RSU1: variants seen among roughly 807,000 people sequenced by gnomAD.
RSU1 encodes the protein rsu-1.
A neutral mutation model predicts 31.1 loss-of-function variants in RSU1; 26 were observed. That is an observed-to-expected ratio of 0.84 (90% CI 0.61 to 1.16). The LOEUF is 1.16. Among genes scored for constraint, RSU1 ranks in the 50% most tolerant of loss-of-function variants. RSU1 has a pLI of 0.00. For synonymous variants in RSU1, 164 were observed against 136.3 expected (o/e 1.20, Z -1.41); for missense variants, 320 against 339.1 (o/e 0.94, Z 0.44).
At chr10:16,722,261 T>C (rs1397134822) in intron 7 of RSU1, among the ~76,000 whole-genome samples, 2 of 152,202 alleles carry the variant, frequency 1.3e-5, no homozygotes, top group African/African-American at 2.4e-5. Context: ...CAGTACTATC[T>C]GCAGGTTCAG....
chr10:16,701,138 T>C (rs556859064), intron 7 of RSU1, among the ~76,000 whole-genome samples: 1 of 152,316 alleles, frequency 6.6e-6, no homozygotes, highest in African/African-American at 2.4e-5. Context: ...GAGAATTCCA[T>C]GTTAACAGTA....
At chr10:16,777,230 G>T (rs539224672) in intron 3 of RSU1, among the ~76,000 whole-genome samples, 1 of 151,568 alleles carries the variant, frequency 6.6e-6, no homozygotes, top group African/African-American at 2.4e-5. Flanking sequence ...TTAAAATCTG[G>T]TTACATAAAT....
intron 8 of RSU1, among the ~76,000 whole-genome samples, chr10:16,684,633 A>G (rs1835405322): frequency 6.6e-6 from 1 of 152,116 alleles, no homozygotes; most frequent in Non-Finnish European, 1.5e-5. Context: ...CTGCCCTCAG[A>G]AAAAACCAAT....
intron 7 of RSU1, among the ~76,000 whole-genome samples, chr10:16,710,871 G>A (rs1002423131): frequency 1.3e-5 from 2 of 152,040 alleles, no homozygotes; most frequent in African/African-American, 4.8e-5. Context: ...GTGTGTCCAT[G>A]TGTTCTCATT....
intron 2 of RSU1, among the ~76,000 whole-genome samples, chr10:16,796,806 A>G (rs1245784376): frequency 6.6e-6 from 1 of 152,158 alleles, no homozygotes; most frequent in Non-Finnish European, 1.5e-5. Context: ...GCAGCAAGAA[A>G]AAATTCAAGG....
rs1035426658 is a variant in RSU1 at position 16,622,862 on chromosome 10, T to C, written c.732-29366A>G. Among the ~76,000 whole-genome samples, 16 of 152,364 alleles carry C rather than the reference T, an allele frequency of 1.1e-4. 1 individual carries two copies. In the East Asian group the frequency reaches 3.1e-3, roughly 29 times the overall value. On this transcript the variant is annotated intron_variant, in intron 8 of 8. Coordinates refer to ENST00000345264, the MANE Select transcript of RSU1 (RefSeq NM_012425.4). ...GGCCCCTGAACAGGACCCACAGCGC[T>C]CTGGCAAGCTAATTTAAAAGAACTG...
intron 7 of RSU1, among the ~76,000 whole-genome samples, chr10:16,726,227 T>G (rs1382190124): frequency 1.3e-5 from 2 of 152,054 alleles, no homozygotes; most frequent in Non-Finnish European, 2.9e-5. Flanking sequence ...TATAGTTACC[T>G]GCTTCTTGAC....
chr10:16,708,303 G>A (rs1374214121), intron 7 of RSU1, among the ~76,000 whole-genome samples: 2 of 152,164 alleles, frequency 1.3e-5, no homozygotes, highest in African/African-American at 4.8e-5. Flanking sequence ...ATAAGGAAGA[G>A]TAAATATATT....
chr10:16,722,901 TAC>T (rs1226560091), intron 7 of RSU1, among the ~76,000 whole-genome samples: 15 of 146,134 alleles, frequency 1.0e-4, no homozygotes, highest in African/African-American at 2.3e-4. Context: ...TATGTATATA[TAC>T]ACACATATAC....
At chr10:16,710,965 CT>C (rs1397350620) in intron 7 of RSU1, among the ~76,000 whole-genome samples, 11 of 152,184 alleles carry the variant, frequency 7.2e-5, no homozygotes, top group African/African-American at 2.7e-4. Flanking sequence ...TGGTTTCCAG[CT>C]TCATCCATGT....
intron 7 of RSU1, among the ~76,000 whole-genome samples, chr10:16,709,712 A>C (rs1028480965): frequency 3.9e-5 from 6 of 152,108 alleles, no homozygotes; most frequent in Admixed American, 3.3e-4. Context: ...ATGGTATCTC[A>C]TTGTGGTTTT....
chr10:16,783,782 C>T (rs1317505929), intron 2 of RSU1, among the ~76,000 whole-genome samples: 1 of 152,100 alleles, frequency 6.6e-6, no homozygotes, highest in Non-Finnish European at 1.5e-5. Flanking sequence ...TGGCCTGATG[C>T]CCCATAAAGT....
intron 7 of RSU1, among the ~76,000 whole-genome samples, chr10:16,712,373 TC>T (rs955038422): frequency 5.3e-5 from 8 of 152,172 alleles, no homozygotes; most frequent in African/African-American, 1.7e-4. Context: ...ATTGTTGTTT[TC>T]TGCTTGTTTT....
chr10:16,802,149 T>C (rs1222347392), intron 2 of RSU1, among the ~76,000 whole-genome samples: 1 of 150,420 alleles, frequency 6.6e-6, no homozygotes, highest in Non-Finnish European at 1.5e-5. Flanking sequence ...AGCTGGTTTT[T>C]GGAAAAGATC....
At chr10:16,758,373 A>G (rs1428523602) in intron 4 of RSU1, among the ~76,000 whole-genome samples, 3 of 152,188 alleles carry the variant, frequency 2.0e-5, no homozygotes, top group African/African-American at 7.2e-5. Context: ...GCTAACATCC[A>G]TCTCCATCCA....
chr10:16,725,048 G>A (rs1010978043), intron 7 of RSU1, among the ~76,000 whole-genome samples: 1 of 152,174 alleles, frequency 6.6e-6, no homozygotes, highest in Non-Finnish European at 1.5e-5. Flanking sequence ...GAGATCAGAG[G>A]AAACTCTGAA....
At chr10:16,679,974 C>A (rs2131547551) in intron 8 of RSU1, among the ~76,000 whole-genome samples, 1 of 150,732 alleles carries the variant, frequency 6.6e-6, no homozygotes, top group Middle Eastern at 3.4e-3. Context: ...CTCTCCCTCC[C>A]AGGTTCAAGC....
chr10:16,672,176 G>T (rs1489653531), intron 8 of RSU1, among the ~76,000 whole-genome samples: 2 of 151,350 alleles, frequency 1.3e-5, no homozygotes, highest in African/African-American at 4.8e-5. Context: ...CAGGCGTGGT[G>T]GCGGGTGCCT....
Position 16,683,246 on chromosome 10 carries a change from A to G in RSU1, c.731+11777T>C, listed in dbSNP as rs573121639. On this transcript the variant is annotated intron_variant, in intron 8 of 8. Transcript: ENST00000345264. ...TTAAACACACTGGCTCATAAACAGA[A>G]CGTGTCTCCCTGTGAAGGTGTAGAG... Among the ~76,000 whole-genome samples the G allele has an allele frequency of 2.0e-5, 3 of 151,056 alleles. No homozygotes were observed. In the South Asian group the frequency reaches 6.3e-4, roughly 32 times the overall value.
Sources: allele counts gnomAD v4.1 joint callset (sites outside exome capture counted in the v4.1 genomes callset), GRCh38; gene constraint gnomAD v4.1.1; transcripts MANE v1.5; gene names NCBI Gene and HGNC (gene_info 2026-07-23, HGNC 2026-07-21).